The following USP8 variants were observed in gnomAD, a reference collection of about 807,000 sequenced individuals.
USP8 encodes ubiquitin specific peptidase 8.
In USP8, 27 loss-of-function variants were observed where a neutral mutation model predicts 130.0. The observed-to-expected ratio is 0.21, with a 90% confidence interval of 0.15 to 0.29. USP8 has a LOEUF of 0.29. Among genes scored for constraint, USP8 ranks in the 10% least tolerant of loss-of-function variants. The pLI, the probability that USP8 is intolerant of heterozygous loss-of-function variation, is 1.00. For synonymous variants in USP8, 392 were observed against 444.1 expected, an observed-to-expected ratio of 0.88 and a Z score of 1.48; for missense variants, 1,029 against 1,312.2, an observed-to-expected ratio of 0.78 and a Z score of 3.33.
At chr15:50,439,727 T>G (rs1227678948) in intron 2 of USP8, among the ~76,000 whole-genome samples, 1 of 150,842 alleles carries the variant, frequency 6.6e-6, no homozygotes, top group Non-Finnish European at 1.5e-5. Flanking sequence ...GAGGCGGAGG[T>G]TTCGGTGAGC....
At position 50,494,111 on chromosome 15, in the gene USP8, T is replaced by G; in HGVS notation, c.2489T>G (p.Phe830Cys). 1 of 1,610,342 alleles carries G rather than the reference T, an allele frequency of 6.2e-7. No individual in the cohort carries two copies. The highest frequency in any genetic ancestry group is 1.1e-5 in the South Asian group (1 of 90,544). The change falls in exon 16 of 20, where the codon TTT becomes TGT. Residue 830 changes from phenylalanine (F) to cysteine (C), a missense_variant. Physicochemically the swap from Phe to Cys is radical, Grantham distance 205. This residue lies in a region of USP8 where 257 missense variants were observed against 429.8 expected (regional missense o/e 0.60). Transcript: ENST00000307179. The part of the protein sequence containing the change: ...LGHKGEVAEE[F>C]GIIMKALWTG... ...CATAAAGGTGAAGTGGCAGAAGAAT[T>G]TGGTATAATCATGAAAGCCCTGTGG...
chr15:50,459,051 G>A lies in USP8; in HGVS notation c.387G>A (p.Glu129=). The A allele has an allele frequency of 1.2e-6, 2 of 1,613,908 alleles. No homozygotes were observed. Among genetic ancestry groups the A allele is most frequent in the Non-Finnish European group, 1.7e-6 (2 of 1,180,028 alleles). ...RKKLEEKDRQ[E]EAQRLQQKRQ... ...AACTTGAGGAAAAAGACAGGCAGGA[G>A]GAAGCACAGCGGCTACAACAAAAAA... The change falls in exon 5 of 20, where the codon GAG becomes GAA. Residue 129 remains glutamate, a synonymous_variant. Transcript: ENST00000307179.
intron 3 of USP8, among the ~76,000 whole-genome samples, chr15:50,444,107 T>G (rs934576147): frequency 3.3e-5 from 5 of 149,326 alleles, no homozygotes; most frequent in Admixed American, 6.7e-5. Context: ...GTTTTTTTTT[T>G]TTTTTTTTTT....
rs1414677162 is a variant in USP8, at chr15:50,494,292, G to C, written c.2658+12G>C. On this transcript the variant is annotated intron_variant, in intron 16 of 19. Transcript: ENST00000307179. ...AAGATCTAAATAAAGTAAGAAATTT[G>C]ATTTTTCTAAGTTGCAGAGACTCTT... 3.8e-6 allele frequency: 6 copies of C among 1,585,860 alleles called. No homozygotes were observed. The highest frequency in any genetic ancestry group is 5.1e-6 in the Non-Finnish European group (6 of 1,170,234).
chr15:50,462,461 T>C, intron 6 of USP8, 139 bp downstream of exon 6: 4 of 663,288 alleles, frequency 6.0e-6, no homozygotes, highest in Non-Finnish European at 9.4e-6. Context: ...TTTCCTAGTC[T>C]GTACAATTAT....
At chr15:50,466,726 C>A (rs570833358) in intron 7 of USP8, 66 of 214,678 alleles carry the variant, frequency 3.1e-4, no homozygotes, top group African/African-American at 1.5e-3. Flanking sequence ...GGTCAGGAAG[C>A]CGCACAGCAG....
chr15:50,483,880 C>A (rs2051860024), intron 11 of USP8, among the ~76,000 whole-genome samples: 1 of 151,748 alleles, frequency 6.6e-6, no homozygotes, highest in Admixed American at 6.6e-5. Flanking sequence ...ATCTTAATTT[C>A]TTCTTTCTCT....
At chr15:50,480,355 A>G (rs3098172) in intron 10 of USP8, among the ~76,000 whole-genome samples, 28,266 of 152,168 alleles carry the variant, frequency 0.19, 2,916 homozygotes, top group East Asian at 0.47. Flanking sequence ...CCTCAGTAAC[A>G]TAGTTACTAA....
rs71424071 is a variant in USP8, at chr15:50,485,550, A to ATTTTTTTTTTTTTTT, written c.1890+1208_1890+1222dup. Among the ~76,000 whole-genome samples, 42 of 27,938 alleles carry ATTTTTTTTTTTTTTT rather than the reference A, an allele frequency of 1.5e-3. 5 individuals carry two copies. Among genetic ancestry groups the ATTTTTTTTTTTTTTT allele is most frequent in the Admixed American group, 4.0e-3 (5 of 1,246 alleles). The allele number at this position is 27,938 out of a possible 152,430, so 18.3% of individuals were successfully genotyped here. On this transcript the variant is annotated intron_variant, in intron 12 of 19. Coordinates refer to ENST00000307179, the MANE Select transcript of USP8 (RefSeq NM_005154.5). ...CCCATTTTTAGCATGCAGTTTAGTG[A>ATTTTTTTTTTTTTTT]TTTTTTTTTTTTTTTTTTTTTTTTT...
intron 1 of USP8, chr15:50,432,602 T>C (rs1006879659): frequency 6.6e-6 from 1 of 152,248 alleles, no homozygotes; most frequent in Admixed American, 6.5e-5. Context: ...GGACCATACT[T>C]GGAGTTACAT....
chr15:50,489,776 A>AT (rs534183826), intron 12 of USP8, 25 bp from the exon 13 acceptor site: 28 of 1,392,342 alleles, frequency 2.0e-5, no homozygotes, highest in South Asian at 8.9e-5. Context: ...TTTTTTTTTA[A>AT]TTTTTTTTAT....
At chr15:50,484,561 G>A (rs958511387) in intron 12 of USP8, among the ~76,000 whole-genome samples, 200 bp downstream of exon 12, 2 of 152,178 alleles carry the variant, frequency 1.3e-5, no homozygotes, top group African/African-American at 4.8e-5. Context: ...TTGTCTTCCT[G>A]TTTAAAGTGT....
At chr15:50,424,630 G>A (rs759622948) in intron 1 of USP8, 116 bp downstream of exon 1, 8 of 396,904 alleles carry the variant, frequency 2.0e-5, no homozygotes, top group Non-Finnish European at 3.5e-5. Flanking sequence ...TCTGTCCGCG[G>A]AGAGGAGTGG....
intron 14 of USP8, among the ~76,000 whole-genome samples, chr15:50,491,814 T>C (rs1343457277): frequency 2.0e-5 from 3 of 152,176 alleles, no homozygotes; most frequent in Non-Finnish European, 4.4e-5. Context: ...ATGTACTGTA[T>C]CTGTGCTGTC....
At chr15:50,492,309 A>C (rs1401777665) in intron 14 of USP8, among the ~76,000 whole-genome samples, 1 of 151,892 alleles carries the variant, frequency 6.6e-6, no homozygotes, top group Non-Finnish European at 1.5e-5. Flanking sequence ...TTTTTTTATT[A>C]TTCCTCATTT....
intron 8 of USP8, among the ~76,000 whole-genome samples, chr15:50,475,693 C>G (rs2051544938): frequency 6.6e-6 from 1 of 152,128 alleles, no homozygotes; most frequent in Non-Finnish European, 1.5e-5. Flanking sequence ...ACCTCCGCCT[C>G]TCGGGTTCAA....
chr15:50,500,548 G>A lies in USP8; in HGVS notation c.*1460G>A, dbSNP rs1390706456. The A allele has an allele frequency of 2.1e-5, 10 of 472,908 alleles. No homozygotes were observed. The Middle Eastern group carries it at 1.8e-3, about 85-fold the overall frequency. 29.3% of individuals were successfully genotyped at this position (472,908 alleles called of 1,614,324 possible). ...TAACATGCCCACAAGGCATAAAAATGTTAATGATGCAAGTAAGTTCTAAGA... is the reference window on the plus strand; with the variant it reads ...TAACATGCCCACAAGGCATAAAAATATTAATGATGCAAGTAAGTTCTAAGA... On this transcript the variant is annotated 3_prime_UTR_variant, in exon 20 of 20. Transcript: ENST00000307179.
chr15:50,437,780 G>C (rs117273095), intron 1 of USP8, among the ~76,000 whole-genome samples: 2 of 152,218 alleles, frequency 1.3e-5, no homozygotes, highest in Non-Finnish European at 2.9e-5. Flanking sequence ...TTTGATATCA[G>C]TTGATCCATT....
chr15:50,458,262 C>T (rs548065023), intron 4 of USP8, among the ~76,000 whole-genome samples: 106 of 152,274 alleles, frequency 7.0e-4, no homozygotes, highest in Non-Finnish European at 1.3e-3. Flanking sequence ...AGTGATTCTC[C>T]TGCCTCAGCT....
Sources: allele counts gnomAD v4.1 joint callset (sites outside exome capture counted in the v4.1 genomes callset), GRCh38; gene constraint gnomAD v4.1.1; regional missense constraint gnomAD v4.1.1; transcripts MANE v1.5; gene names NCBI Gene and HGNC (gene_info 2026-07-23, HGNC 2026-07-21).